HPSE2: variants seen among roughly 807,000 people sequenced by gnomAD.
The protein encoded by HPSE2 is heparanase 2 (inactive).
A neutral mutation model predicts 60.5 loss-of-function variants in HPSE2; 38 were observed. The ratio of observed to expected loss-of-function variants is 0.63; its 90% CI spans 0.48 to 0.82. HPSE2 has a LOEUF of 0.82. Ranked by LOEUF, HPSE2 falls within the 40% of genes least tolerant of loss-of-function variation. HPSE2 has a pLI of 0.00. For missense variants in HPSE2, 713 were observed against 740.4 expected, an observed-to-expected ratio of 0.96 and a Z score of 0.43; for synonymous variants, 295 against 293.2, an observed-to-expected ratio of 1.01 and a Z score of -0.06.
At chr10:99,290,308 T>C in the HPSE2 span, among the ~76,000 whole-genome samples, 1 of 152,300 alleles carries the variant, frequency 6.6e-6, no homozygotes, top group East Asian at 1.9e-4. Context: ...AGTATTTCAT[T>C]CATCTCTGTG....
chr10:98,913,512 C>T (rs185051638), intron 3 of HPSE2, among the ~76,000 whole-genome samples: 41 of 152,196 alleles, frequency 2.7e-4, no homozygotes, highest in Non-Finnish European at 5.6e-4. Flanking sequence ...TGAAGCAGGG[C>T]CCAATAATAG....
the HPSE2 span, among the ~76,000 whole-genome samples, chr10:99,268,361 C>T: frequency 3.3e-5 from 5 of 152,090 alleles, no homozygotes; most frequent in East Asian, 3.9e-4. Context: ...GCATAAATCT[C>T]GGCCAGGTGC....
intron 9 of HPSE2, among the ~76,000 whole-genome samples, chr10:98,549,203 TAA>T (rs961150835): frequency 6.6e-6 from 1 of 151,996 alleles, no homozygotes; most frequent in Admixed American, 6.6e-5. Flanking sequence ...GACATTGGGC[TAA>T]AAAAAATTGA....
intron 7 of HPSE2, among the ~76,000 whole-genome samples, chr10:98,633,045 C>T (rs1946406170): frequency 6.6e-6 from 1 of 152,164 alleles, no homozygotes; most frequent in Admixed American, 6.5e-5. Flanking sequence ...TCTGCCATTC[C>T]TGAGACAGCA....
intron 3 of HPSE2, among the ~76,000 whole-genome samples, chr10:98,842,986 T>A (rs900248585): frequency 6.6e-6 from 1 of 152,210 alleles, no homozygotes; most frequent in Admixed American, 6.5e-5. Context: ...CTCAGTAGTA[T>A]ACATTTATGT....
chr10:99,264,080 T>G, the HPSE2 span, among the ~76,000 whole-genome samples: 8 of 151,808 alleles, frequency 5.3e-5, no homozygotes, highest in Non-Finnish European at 1.2e-4. Flanking sequence ...TTTCTTTTCT[T>G]TTCTTTTTCT....
At chr10:99,228,534 A>C (rs1849545762) in intron 2 of HPSE2, among the ~76,000 whole-genome samples, 1 of 152,244 alleles carries the variant, frequency 6.6e-6, no homozygotes, top group South Asian at 2.1e-4. Flanking sequence ...GAACAGAAGA[A>C]TAACCCAAGA....
the HPSE2 span, among the ~76,000 whole-genome samples, chr10:99,298,753 C>CAA: frequency 2.0e-5 from 3 of 151,540 alleles, no homozygotes; most frequent in Non-Finnish European, 4.4e-5. Flanking sequence ...TGGCTCACTG[C>CAA]AACCTCTGCC....
intron 3 of HPSE2, among the ~76,000 whole-genome samples, chr10:98,781,820 CT>C (rs1950477273): frequency 6.6e-6 from 1 of 151,454 alleles, no homozygotes; most frequent in Admixed American, 6.6e-5. Flanking sequence ...ATCGTTGGAT[CT>C]AGTCATTTCA....
At chr10:99,218,797 A>G (rs1159742390) in intron 2 of HPSE2, among the ~76,000 whole-genome samples, 1 of 152,316 alleles carries the variant, frequency 6.6e-6, no homozygotes, top group East Asian at 1.9e-4. Context: ...TATGGATTTT[A>G]ACTTGGCTAA....
intron 1 of HPSE2, 151 bp from the exon 2 acceptor site, chr10:99,232,656 C>A: frequency 1.1e-6 from 1 of 908,628 alleles, no homozygotes; most frequent in Non-Finnish European, 1.7e-6. Flanking sequence ...CACGCTGGCC[C>A]TTGGCCGCTG....
In HPSE2 at chr10:99,062,727, G is replaced by C. The variant is rs536817220; in HGVS notation, c.610+81511C>G. On this transcript the variant is annotated intron_variant, in intron 3 of 11. Transcript: ENST00000370552. The stretch of plus-strand genomic sequence containing the variant: ...TAAGCTAAGTTAATATCTAAGATGT[G>C]AGCCAAGAGCCATAAAACAACATTG... Among the ~76,000 whole-genome samples the C allele has an allele frequency of 7.2e-5, 11 of 152,142 alleles. No individual in the cohort carries two copies. In the South Asian group the frequency reaches 8.3e-4, roughly 11 times the overall value.
intron 9 of HPSE2, among the ~76,000 whole-genome samples, chr10:98,602,120 T>A (rs115256511): frequency 3.3e-5 from 5 of 152,204 alleles, no homozygotes; most frequent in African/African-American, 1.2e-4. Flanking sequence ...GAGTAAGGGT[T>A]CCCCAGTGTC....
rs939294675 is a variant in HPSE2, at chr10:98,796,162, T to G, written c.611-52106A>C. Among the ~76,000 whole-genome samples, 63 of 152,332 alleles carry G rather than the reference T, an allele frequency of 4.1e-4. 2 individuals are homozygous for G. Among genetic ancestry groups the G allele is most frequent in the African/African-American group, 1.5e-3 (63 of 41,568 alleles). ...AGGGAAAAGTAAAGAGGACTTTGTC[T>G]TGCACCTTGCCTTAGGTATCAGCTC... On this transcript the variant is annotated intron_variant, in intron 3 of 11. Transcript: ENST00000370552.
At chr10:99,139,706 GAT>G (rs1349277191) in intron 3 of HPSE2, among the ~76,000 whole-genome samples, 1 of 152,012 alleles carries the variant, frequency 6.6e-6, no homozygotes, top group South Asian at 2.1e-4. Flanking sequence ...GAAAATTTAA[GAT>G]ATATATATAC....
chr10:99,134,970 C>G lies in HPSE2; in HGVS notation c.610+9268G>C, dbSNP rs556301744. ...CATCAGTGTGCTGTATTCAGGAGAC[C>G]CAGCCCACCTGCAAAGACACACATA... On this transcript the variant is annotated intron_variant, in intron 3 of 11. Coordinates refer to ENST00000370552, the MANE Select transcript of HPSE2 (RefSeq NM_021828.5). Among the ~76,000 whole-genome samples, 8 of 152,092 alleles carry G rather than the reference C, an allele frequency of 5.3e-5. No homozygotes were observed. In the East Asian group the frequency reaches 1.5e-3, roughly 29 times the overall value.
At chr10:98,989,807 C>A (rs1589475806) in intron 3 of HPSE2, among the ~76,000 whole-genome samples, 1 of 152,218 alleles carries the variant, frequency 6.6e-6, no homozygotes, top group Non-Finnish European at 1.5e-5. Flanking sequence ...TCACCTGTTG[C>A]AATGAATCAT....
At chr10:99,200,253 C>G (rs758573334) in intron 2 of HPSE2, among the ~76,000 whole-genome samples, 16 of 152,014 alleles carry the variant, frequency 1.1e-4, no homozygotes, top group Admixed American at 2.0e-4. Flanking sequence ...AACTGCCTGA[C>G]TGAAATGTGT....
intron 10 of HPSE2, among the ~76,000 whole-genome samples, chr10:98,485,053 C>T (rs1183805542): frequency 6.6e-6 from 1 of 152,198 alleles, no homozygotes; most frequent in Admixed American, 6.5e-5. Flanking sequence ...CTGGGTCACT[C>T]ACCTCTGCTT....
Sources: gnomAD v4.1 joint callset for allele counts (sites outside exome capture counted in the v4.1 genomes callset) on GRCh38, gnomAD v4.1.1 for gene constraint, MANE v1.5 for transcripts, NCBI Gene and HGNC (gene_info 2026-07-23, HGNC 2026-07-21) for gene names.